The following SH3D19 variants were observed in gnomAD, a reference collection of about 807,000 sequenced individuals.
SH3D19 encodes SH3 domain containing 19.
A neutral mutation model predicts 112.1 loss-of-function variants in SH3D19; 58 were observed. The observed-to-expected ratio is 0.52, with a 90% CI of 0.42 to 0.64. SH3D19 has a LOEUF of 0.64. Ranked by LOEUF, SH3D19 falls within the 30% of genes least tolerant of loss-of-function variation. The probability of loss-of-function intolerance (pLI) is 0.00; values close to 1 mark genes in which losing one functional copy is unlikely to be tolerated. For missense variants in SH3D19, 1,090 were observed against 1,263.4 expected (o/e 0.86, Z 2.08); for synonymous variants, 391 against 448.5 (o/e 0.87, Z 1.62).
At chr4:151,307,526 A>C (rs952421930) in intron 1 of SH3D19, among the ~76,000 whole-genome samples, 2 of 152,252 alleles carry the variant, frequency 1.3e-5, no homozygotes, top group Non-Finnish European at 2.9e-5. Flanking sequence ...TCCTGGTGCT[A>C]GACCCGTCAG....
intron 1 of SH3D19, among the ~76,000 whole-genome samples, chr4:151,294,126 C>T (rs1206441521): frequency 6.6e-6 from 1 of 152,178 alleles, no homozygotes; most frequent in African/African-American, 2.4e-5. Flanking sequence ...TCTTATCAAA[C>T]TGTAAGTCCA....
intron 1 of SH3D19, among the ~76,000 whole-genome samples, chr4:151,304,809 C>T (rs1728781062): frequency 6.6e-6 from 1 of 151,970 alleles, no homozygotes; most frequent in Admixed American, 6.6e-5. Context: ...CTGAGAAGGC[C>T]CTAAGCTGCC....
At chr4:151,180,138 A>G (rs1579990364) in intron 3 of SH3D19, among the ~76,000 whole-genome samples, 1 of 152,210 alleles carries the variant, frequency 6.6e-6, no homozygotes, top group Non-Finnish European at 1.5e-5. Flanking sequence ...TGGGCTTCCC[A>G]AAGTGCTGGG....
intron 19 of SH3D19, among the ~76,000 whole-genome samples, chr4:151,125,199 T>A (rs1302989817): frequency 6.6e-6 from 1 of 152,228 alleles, no homozygotes; most frequent in Non-Finnish European, 1.5e-5. Flanking sequence ...CTGGGTGTGG[T>A]GACTTATGCC....
intron 1 of SH3D19, chr4:151,266,271 A>G (rs1055907963): frequency 6.6e-6 from 1 of 152,200 alleles, no homozygotes; most frequent in Non-Finnish European, 1.5e-5. Flanking sequence ...TCCGTTAACT[A>G]TATGTGTTCA....
chr4:151,242,187 A>T (rs1344955426), intron 1 of SH3D19, among the ~76,000 whole-genome samples: 1 of 152,206 alleles, frequency 6.6e-6, no homozygotes, highest in African/African-American at 2.4e-5. Context: ...CCTGTCTCAA[A>T]ACAAAAAAAA....
At chr4:151,269,795 T>C (rs1773102498) in intron 1 of SH3D19, among the ~76,000 whole-genome samples, 1 of 151,888 alleles carries the variant, frequency 6.6e-6, no homozygotes, top group South Asian at 2.1e-4. Context: ...TGCTTTTTTC[T>C]CTTTTTAAAA....
At chr4:151,291,532 TGGAA>T in intron 1 of SH3D19, 1 of 1,031,662 alleles carries the variant, frequency 9.7e-7, no homozygotes, top group East Asian at 2.6e-5. Flanking sequence ...TTTTTGATTT[TGGAA>T]GTTTTGGGGT....
At chr4:151,278,224 T>C (rs1256389649) in intron 1 of SH3D19, among the ~76,000 whole-genome samples, 2 of 152,160 alleles carry the variant, frequency 1.3e-5, no homozygotes, top group Non-Finnish European at 2.9e-5. Context: ...TTCATATTCC[T>C]GATGGTGACC....
Position 151,127,686 on chromosome 4 carries a change from G to A in SH3D19, c.2959C>T (p.Pro987Ser), listed in dbSNP as rs777076392. The A allele has an allele frequency of 6.2e-7, 1 of 1,601,820 alleles. No homozygotes were observed. The highest frequency in any genetic ancestry group is 8.5e-7 in the Non-Finnish European group (1 of 1,176,144). The change falls in exon 19 of 20, where the codon CCG becomes TCG. Residue 987 changes from proline to serine, a missense_variant. Coordinates refer to ENST00000604030, the MANE Select transcript of SH3D19 (RefSeq NM_001378122.1). ...AEAKSMLAIV[P>S]KGRKAKALYD... ...AAGGCTTTGGCCTTCCTCCCCTTCG[G>A]TACTATGGCCAACATACTTTTTGCC...
At chr4:151,130,642 G>A (rs1255595745) in intron 17 of SH3D19, among the ~76,000 whole-genome samples, 2 of 151,982 alleles carry the variant, frequency 1.3e-5, no homozygotes, top group Non-Finnish European at 2.9e-5. Flanking sequence ...GTTGAGAAAC[G>A]TATAAAGAAA....
chr4:151,160,087 C>CTTTTT (rs1203320024), intron 8 of SH3D19, among the ~76,000 whole-genome samples: 1 of 137,542 alleles, frequency 7.3e-6, no homozygotes. Context: ...TGTTTTATTT[C>CTTTTT]TTTTTTTTTT....
chr4:151,273,335 A>C (rs1384727296), intron 1 of SH3D19, among the ~76,000 whole-genome samples: 2 of 152,148 alleles, frequency 1.3e-5, no homozygotes, highest in African/African-American at 4.8e-5. Context: ...TCACACCTGT[A>C]ATCCCAGCAC....
At chr4:151,308,706 C>T (rs1405782794) in intron 1 of SH3D19, among the ~76,000 whole-genome samples, 2 of 152,124 alleles carry the variant, frequency 1.3e-5, no homozygotes, top group Admixed American at 6.5e-5. Flanking sequence ...ACCTTAGAAG[C>T]CATGGAAGCA....
chr4:151,133,099 C>T lies in SH3D19; in HGVS notation c.2624G>A (p.Gly875Glu), dbSNP rs1751075366. The change falls in exon 16 of 20, where the codon GGG becomes GAG. Residue 875 changes from glycine (G) to glutamate (E), a missense_variant. Coordinates refer to ENST00000604030, the MANE Select transcript of SH3D19 (RefSeq NM_001378122.1). ...CTCCACAAAGTTCAGGGGGAAAATC[C>T]CAGTTCTGCCTCGAACTTCTCCTCT... ...WARGEVRGRT[G>E]IFPLNFVEPV... The T allele has an allele frequency of 1.2e-6, 2 of 1,613,964 alleles. No homozygotes were observed. The highest frequency in any genetic ancestry group is 2.7e-5 in the African/African-American group (2 of 74,922).
intron 1 of SH3D19, among the ~76,000 whole-genome samples, chr4:151,317,002 A>G (rs113591871): frequency 3.3e-5 from 5 of 152,318 alleles, no homozygotes; most frequent in African/African-American, 9.6e-5. Flanking sequence ...CCTAGAACAC[A>G]TCCCATGTCT....
In SH3D19 at chr4:151,236,683, G is replaced by T. The variant is rs151062312; in HGVS notation, c.113-10597C>A. ...TTGTAAATGCACCAATCAGCACTCT[G>T]TGTCTAGCTAAAGGTTTTGTAAATG... On this transcript the variant is annotated intron_variant, in intron 1 of 19. Coordinates refer to ENST00000604030, the MANE Select transcript of SH3D19 (RefSeq NM_001378122.1). 6.7e-3 allele frequency among the ~76,000 whole-genome samples: 1,020 copies of T among 151,676 alleles called. 10 individuals are homozygous for T. The highest frequency in any genetic ancestry group is 0.024 in the African/African-American group (984 of 41,280).
chr4:151,150,131 G>A (rs1351411094), intron 9 of SH3D19, among the ~76,000 whole-genome samples: 1 of 128,148 alleles, frequency 7.8e-6, no homozygotes, highest in Non-Finnish European at 1.6e-5. Context: ...GTTGCAGTGA[G>A]CCGAGATCAT....
chr4:151,210,992 C>T (rs1347220641), intron 2 of SH3D19, among the ~76,000 whole-genome samples: 1 of 152,000 alleles, frequency 6.6e-6, no homozygotes, highest in Non-Finnish European at 1.5e-5. Flanking sequence ...TCATCTCAGC[C>T]GTCAGGAGTT....
Sources: allele counts gnomAD v4.1 joint callset (sites outside exome capture counted in the v4.1 genomes callset), GRCh38; gene constraint gnomAD v4.1.1; transcripts MANE v1.5; gene names NCBI Gene and HGNC (gene_info 2026-07-23, HGNC 2026-07-21).